BMAL2: variants seen among roughly 807,000 people sequenced by gnomAD.
BMAL2 encodes basic helix-loop-helix ARNT-like protein 2.
At chr12:27,346,601 C>T in the BMAL2 span, among the ~76,000 whole-genome samples, 2 of 152,292 alleles carry the variant, frequency 1.3e-5, no homozygotes, top group Non-Finnish European at 2.9e-5. Flanking sequence ...CACCCTTTGC[C>T]ATGATTCTCA....
the BMAL2 span, among the ~76,000 whole-genome samples, chr12:27,360,813 A>AAAAAAAAAAAAAAAAAACAAAAAAAC: frequency 6.7e-6 from 1 of 148,932 alleles, no homozygotes; most frequent in African/African-American, 2.4e-5. Flanking sequence ...CAAAAAAAAA[A>AAAAAAAAAAAAAAAAAACAAAAAAAC]AAAAAAAAAA....
the BMAL2 span, among the ~76,000 whole-genome samples, chr12:27,411,018 G>C: frequency 5.1e-4 from 78 of 152,090 alleles, 1 homozygote; most frequent in Non-Finnish European, 1.5e-5. Context: ...TGTATAAAGA[G>C]TTTTCTTGTA....
At chr12:27,361,641 A>G in the BMAL2 span, among the ~76,000 whole-genome samples, 8,361 of 152,246 alleles carry the variant, frequency 0.055, 764 homozygotes, top group African/African-American at 0.19. Context: ...AGTCAAGTAA[A>G]CTGGAAAGTT....
the BMAL2 span, among the ~76,000 whole-genome samples, chr12:27,346,029 C>G: frequency 6.6e-6 from 1 of 152,174 alleles, no homozygotes; most frequent in Admixed American, 6.6e-5. Context: ...CTTTTCTGTT[C>G]CATCAGACGA....
chr12:27,392,939 C>A, the BMAL2 span, among the ~76,000 whole-genome samples: 1 of 152,090 alleles, frequency 6.6e-6, no homozygotes, highest in Non-Finnish European at 1.5e-5. Context: ...CTGCCCCCTA[C>A]CCCATCATCT....
At chr12:27,371,771 CTAT>C in the BMAL2 span, among the ~76,000 whole-genome samples, 1 of 152,138 alleles carries the variant, frequency 6.6e-6, no homozygotes, top group East Asian at 1.9e-4. Flanking sequence ...ATTTGAACCA[CTAT>C]TAAGTGTACA....
At chr12:27,371,559 C>T in the BMAL2 span, among the ~76,000 whole-genome samples, 2 of 152,092 alleles carry the variant, frequency 1.3e-5, no homozygotes, top group African/African-American at 4.8e-5. Flanking sequence ...CGAACTAAGT[C>T]ATGAAAGATC....
the BMAL2 span, among the ~76,000 whole-genome samples, chr12:27,390,862 A>G: frequency 1.3e-5 from 2 of 152,332 alleles, no homozygotes; most frequent in East Asian, 3.9e-4. Context: ...ATAGGATTCC[A>G]TAGGCAAATT....
At chr12:27,374,401 G>T in the BMAL2 span, among the ~76,000 whole-genome samples, 1 of 152,170 alleles carries the variant, frequency 6.6e-6, no homozygotes, top group South Asian at 2.1e-4. Context: ...ATCTAGAGAT[G>T]ATTTAAAGTA....
chr12:27,336,317 C>T, the BMAL2 span, among the ~76,000 whole-genome samples: 1 of 152,084 alleles, frequency 6.6e-6, no homozygotes, highest in Non-Finnish European at 1.5e-5. Context: ...CCTGTAGTGG[C>T]TCCCCTGGTT....
chr12:27,336,794 A>G, the BMAL2 span, among the ~76,000 whole-genome samples: 7 of 152,068 alleles, frequency 4.6e-5, no homozygotes. Context: ...CTACTAAAAA[A>G]TACAAAAATT....
At chr12:27,381,917 G>T in the BMAL2 span, among the ~76,000 whole-genome samples, 1 of 152,156 alleles carries the variant, frequency 6.6e-6, no homozygotes, top group South Asian at 2.1e-4. Context: ...GGATGACCAA[G>T]GGTCTTAGTT....
the BMAL2 span, chr12:27,370,362 C>T: frequency 5.3e-5 from 34 of 641,156 alleles, no homozygotes; most frequent in Admixed American, 6.5e-4. Flanking sequence ...CTGCCCCAAT[C>T]CTTCCTTTAT....
the BMAL2 span, chr12:27,332,961 CAGT>C: frequency 1.2e-6 from 1 of 858,740 alleles, no homozygotes; most frequent in Non-Finnish European, 1.5e-6. Flanking sequence ...CAGGGCCCGC[CAGT>C]CCCCGCTTCC....
At chr12:27,400,862 T>A in the BMAL2 span, 1 of 1,173,342 alleles carries the variant, frequency 8.5e-7, no homozygotes, top group Non-Finnish European at 1.2e-6. Context: ...CTAGTTTTTC[T>A]TTTTCTTTTT....
chr12:27,414,458 T>G, the BMAL2 span, among the ~76,000 whole-genome samples: 3 of 152,192 alleles, frequency 2.0e-5, no homozygotes, highest in Non-Finnish European at 4.4e-5. Context: ...AGGTGTCTTT[T>G]CTGGCCACAA....
the BMAL2 span, among the ~76,000 whole-genome samples, chr12:27,362,579 T>TC: frequency 6.6e-6 from 1 of 152,124 alleles, no homozygotes; most frequent in East Asian, 1.9e-4. Context: ...CCCTTTCTTT[T>TC]CCCGAAGAGA....
At chr12:27,371,682 G>C in the BMAL2 span, among the ~76,000 whole-genome samples, 25 of 151,476 alleles carry the variant, frequency 1.7e-4, no homozygotes, top group Non-Finnish European at 2.5e-4. Flanking sequence ...CATTGCCTCT[G>C]CACTTTTTCA....
chr12:27,371,533 A>G, the BMAL2 span, among the ~76,000 whole-genome samples: 2 of 152,272 alleles, frequency 1.3e-5, no homozygotes, highest in Middle Eastern at 6.8e-3. Flanking sequence ...GAGCTATGAG[A>G]GTTGAGGGAT....
Sources: allele counts gnomAD v4.1 joint callset (sites outside exome capture counted in the v4.1 genomes callset), GRCh38; gene constraint gnomAD v4.1.1; transcripts MANE v1.5; gene names NCBI Gene and HGNC (gene_info 2026-07-23, HGNC 2026-07-21).